SND1: variants seen among roughly 807,000 people sequenced by gnomAD.
The protein encoded by SND1 is staphylococcal nuclease domain-containing protein 1.
A neutral mutation model predicts 121.7 loss-of-function variants in SND1; 38 were observed. The observed-to-expected ratio is 0.31, with a 90% CI of 0.24 to 0.41. The LOEUF (loss-of-function observed/expected upper bound fraction) is 0.41, where lower values mean the gene tolerates loss of function less well. Ranked by LOEUF, SND1 falls within the 10% of genes least tolerant of loss-of-function variation. The pLI, the probability that SND1 is intolerant of heterozygous loss-of-function variation, is 1.00. For synonymous variants in SND1, 401 were observed against 447.4 expected, an observed-to-expected ratio of 0.90 and a Z score of 1.31; for missense variants, 868 against 1,184.6, an observed-to-expected ratio of 0.73 and a Z score of 3.92.
At chr7:127,662,958 A>G (rs932766725) in intron 1 of SND1, among the ~76,000 whole-genome samples, 1 of 145,362 alleles carries the variant, frequency 6.9e-6, no homozygotes, top group Non-Finnish European at 1.5e-5. Flanking sequence ...TGGCACAATC[A>G]TGGCTTACTG....
At chr7:127,895,497 A>C (rs1315547750) in intron 13 of SND1, among the ~76,000 whole-genome samples, 1 of 151,732 alleles carries the variant, frequency 6.6e-6, no homozygotes, top group Non-Finnish European at 1.5e-5. Context: ...TGCACACCCC[A>C]CCCTACATTT....
chr7:128,033,767 C>T (rs1268668087), intron 16 of SND1, among the ~76,000 whole-genome samples: 1 of 152,118 alleles, frequency 6.6e-6, no homozygotes, highest in Admixed American at 6.5e-5. Flanking sequence ...CAAACGTTGC[C>T]TAGGGTCACT....
At chr7:127,691,807 T>G (rs1795923329) in intron 2 of SND1, among the ~76,000 whole-genome samples, 1 of 149,620 alleles carries the variant, frequency 6.7e-6, no homozygotes, top group Non-Finnish European at 1.5e-5. Flanking sequence ...TTTTGTATTT[T>G]CAGTAGAGAT....
chr7:128,091,716 T>C, intron 22 of SND1, 121 bp from the exon 23 acceptor site: 1 of 973,406 alleles, frequency 1.0e-6, no homozygotes, highest in Non-Finnish European at 1.7e-6. Context: ...GAACTAAGGC[T>C]CCATTGGACA....
chr7:127,794,819 CT>C (rs2116549647), intron 10 of SND1, among the ~76,000 whole-genome samples: 1 of 152,292 alleles, frequency 6.6e-6, no homozygotes, highest in East Asian at 1.9e-4. Flanking sequence ...GAGAAGATTT[CT>C]CCATTACTAG....
intron 9 of SND1, among the ~76,000 whole-genome samples, chr7:127,714,538 C>T (rs1224953756): frequency 6.6e-6 from 1 of 152,102 alleles, no homozygotes; most frequent in African/African-American, 2.4e-5. Context: ...GTGTACAGTT[C>T]AGTGGTATTT....
intron 16 of SND1, among the ~76,000 whole-genome samples, chr7:127,997,249 G>A (rs928434987): frequency 1.3e-5 from 2 of 152,084 alleles, no homozygotes; most frequent in African/African-American, 4.8e-5. Flanking sequence ...GCTTTTAGAA[G>A]GCAATAATTC....
chr7:128,042,774 C>T (rs1036967778), intron 16 of SND1, among the ~76,000 whole-genome samples: 19 of 152,214 alleles, frequency 1.2e-4, no homozygotes, highest in Non-Finnish European at 2.9e-5. Flanking sequence ...AGAGGTGTTC[C>T]TGCCTGATGG....
At chr7:127,945,210 A>G (rs1432151232) in intron 15 of SND1, among the ~76,000 whole-genome samples, 3 of 152,216 alleles carry the variant, frequency 2.0e-5, no homozygotes, top group Non-Finnish European at 4.4e-5. Flanking sequence ...AAATTTAGAA[A>G]GGCTGTGCGT....
intron 16 of SND1, among the ~76,000 whole-genome samples, chr7:127,994,330 T>C (rs771357560): frequency 2.6e-5 from 4 of 152,054 alleles, no homozygotes; most frequent in Non-Finnish European, 4.4e-5. Flanking sequence ...CTGTTTTACA[T>C]GTTGCTCCTC....
intron 14 of SND1, among the ~76,000 whole-genome samples, chr7:127,917,841 A>G (rs1800617969): frequency 6.6e-6 from 1 of 152,236 alleles, no homozygotes; most frequent in African/African-American, 2.4e-5. Context: ...ATGCAGCTTC[A>G]GGTCAAACTG....
intron 15 of SND1, among the ~76,000 whole-genome samples, chr7:127,950,379 G>T (rs749950883): frequency 6.6e-6 from 1 of 152,156 alleles, no homozygotes; most frequent in Non-Finnish European, 1.5e-5. Flanking sequence ...TAAAGAAGTG[G>T]AGAAAAAATA....
At chr7:128,000,515 G>A (rs945638494) in intron 16 of SND1, among the ~76,000 whole-genome samples, 2 of 151,980 alleles carry the variant, frequency 1.3e-5, no homozygotes, top group South Asian at 2.1e-4. Context: ...CTACAGGCCC[G>A]TGTCCCCATG....
intron 16 of SND1, among the ~76,000 whole-genome samples, chr7:128,033,361 C>G (rs1448261213): frequency 6.6e-6 from 1 of 152,188 alleles, no homozygotes; most frequent in East Asian, 1.9e-4. Flanking sequence ...TAGAATATAG[C>G]ATGGTTTAAT....
intron 12 of SND1, chr7:127,857,823 C>T: frequency 1.1e-6 from 1 of 882,408 alleles, no homozygotes; most frequent in Non-Finnish European, 1.9e-6. Context: ...AAGAAGGGCC[C>T]ACCAAACTAG....
intron 11 of SND1, among the ~76,000 whole-genome samples, chr7:127,818,337 A>G (rs972894294): frequency 6.6e-5 from 10 of 152,198 alleles, no homozygotes; most frequent in African/African-American, 2.4e-4. Flanking sequence ...TTAGTACTGT[A>G]GGTCTGATTT....
At chr7:127,926,639 G>C (rs893920525) in intron 14 of SND1, among the ~76,000 whole-genome samples, 1 of 131,994 alleles carries the variant, frequency 7.6e-6, no homozygotes, top group Non-Finnish European at 1.5e-5. Flanking sequence ...TGCAAGCTCC[G>C]CCTCTCAGGT....
intron 15 of SND1, among the ~76,000 whole-genome samples, chr7:127,937,585 T>C (rs1801088012): frequency 1.3e-5 from 2 of 152,220 alleles, no homozygotes; most frequent in Admixed American, 1.3e-4. Context: ...TAAATGGTGG[T>C]GGGCTTGTGC....
At chr7:127,886,036 C>G (rs1192112177) in intron 12 of SND1, among the ~76,000 whole-genome samples, 2 of 152,076 alleles carry the variant, frequency 1.3e-5, no homozygotes, top group Middle Eastern at 3.2e-3. Context: ...TGATTTGAGG[C>G]TGTTGCCTTC....
Sources: gnomAD v4.1 joint callset for allele counts (sites outside exome capture counted in the v4.1 genomes callset) on GRCh38, gnomAD v4.1.1 for gene constraint, MANE v1.5 for transcripts, NCBI Gene and HGNC (gene_info 2026-07-23, HGNC 2026-07-21) for gene names.